Variants in PPARGC1B observed in about 807,000 individuals in gnomAD.
The protein encoded by PPARGC1B is peroxisome proliferator-activated receptor gamma coactivator 1-beta.
A neutral mutation model predicts 101.6 loss-of-function variants in PPARGC1B; 34 were observed. The observed-to-expected ratio is 0.33, with a 90% CI of 0.25 to 0.45. The LOEUF is 0.45. Among genes scored for constraint, PPARGC1B ranks in the 20% least tolerant of loss-of-function variants. The pLI, the probability that PPARGC1B is intolerant of heterozygous loss-of-function variation, is 1.00. For synonymous variants in PPARGC1B, 548 were observed against 539.3 expected (o/e 1.02, Z -0.22); for missense variants, 1,234 against 1,317.6 (o/e 0.94, Z 0.98).
chr5:149,841,624 A>G (rs1301367301), intron 9 of PPARGC1B, among the ~76,000 whole-genome samples: 2 of 152,202 alleles, frequency 1.3e-5, no homozygotes, highest in Admixed American at 1.3e-4. Flanking sequence ...GATTTGTCCA[A>G]TAGCAGTGGC....
Position 149,837,113 on chromosome 5 carries a change from A to T in PPARGC1B, c.2618+40A>T. 6.5e-7 allele frequency: 1 copy of T among 1,548,532 alleles called. No individual in the cohort carries two copies. Among genetic ancestry groups the T allele is most frequent in the Non-Finnish European group, 8.7e-7 (1 of 1,147,456 alleles). ...CTGCAGGAGAGGCAGCGGGCAGTGG[A>T]GGATCCCAGTTCCCGGGGAGCCAGG... On this transcript the variant is annotated intron_variant, in intron 8 of 11. Coordinates refer to ENST00000309241, the MANE Select transcript of PPARGC1B (RefSeq NM_133263.4). The surrounding 1 kb of genome is among the most constrained non-coding windows in gnomAD (Gnocchi z 4.2).
intron 1 of PPARGC1B, among the ~76,000 whole-genome samples, chr5:149,784,556 G>GTTTTTTTTTTTTTT (rs1561535294): frequency 1.5e-4 from 17 of 111,608 alleles, no homozygotes; most frequent in Admixed American, 3.4e-4. Context: ...AGCCAACTGA[G>GTTTTTTTTTTTTTT]TTTCTTTTTT....
intron 1 of PPARGC1B, among the ~76,000 whole-genome samples, chr5:149,814,152 C>G (rs977035503): frequency 1.3e-5 from 2 of 152,080 alleles, no homozygotes; most frequent in Admixed American, 6.5e-5. Context: ...TTTTTATTAT[C>G]CCCATTTTGT....
chr5:149,805,180 A>G (rs1287803740), intron 1 of PPARGC1B, among the ~76,000 whole-genome samples: 2 of 152,170 alleles, frequency 1.3e-5, no homozygotes, highest in African/African-American at 4.8e-5. Flanking sequence ...CACATAGATA[A>G]CATGGGGAAT....
At chr5:149,797,080 A>T (rs1032749390) in intron 1 of PPARGC1B, among the ~76,000 whole-genome samples, 1 of 152,120 alleles carries the variant, frequency 6.6e-6, no homozygotes, top group Non-Finnish European at 1.5e-5. Flanking sequence ...AGTGACCCAC[A>T]TCCCTCCTTG....
chr5:149,748,323 ATC>A (rs765961578), intron 1 of PPARGC1B, among the ~76,000 whole-genome samples: 39,739 of 146,736 alleles, frequency 0.27, 5,526 homozygotes, highest in East Asian at 0.38. Context: ...ATATAGATAT[ATC>A]TATATATATA....
Position 149,820,555 on chromosome 5 carries a change from C to T in PPARGC1B, c.201C>T (p.Asn67=). The T allele has an allele frequency of 6.2e-7, 1 of 1,613,956 alleles. No homozygotes were observed. Among genetic ancestry groups the T allele is most frequent in the Non-Finnish European group, 8.5e-7 (1 of 1,180,030 alleles). The change falls in exon 2 of 12, where the codon AAC becomes AAT. Residue 67 remains asparagine (N), a synonymous_variant. Coordinates refer to ENST00000309241, the MANE Select transcript of PPARGC1B (RefSeq NM_133263.4). ...GGGAGCTGCAGTGGTGCCCAGAGAACTCAGAGACTGAACCCAACCAGTACA... is the reference window on the plus strand; with the variant it reads ...GGGAGCTGCAGTGGTGCCCAGAGAATTCAGAGACTGAACCCAACCAGTACA... ...CFGELQWCPE[N]SETEPNQYSP...
At chr5:149,822,706 G>A (rs10463291) in intron 2 of PPARGC1B, among the ~76,000 whole-genome samples, 6,335 of 152,302 alleles carry the variant, frequency 0.042, 187 homozygotes, top group East Asian at 0.16. Context: ...TCTCTTGCAC[G>A]CATGTGTGTC....
intron 4 of PPARGC1B, 56 bp downstream of exon 4, chr5:149,830,939 T>C: frequency 8.3e-7 from 1 of 1,204,118 alleles, no homozygotes; most frequent in Non-Finnish European, 1.2e-6. Context: ...GCTGCAGCCT[T>C]CAGCTCTGGT....
chr5:149,781,464 A>T (rs1297393905), intron 1 of PPARGC1B, among the ~76,000 whole-genome samples: 1 of 152,176 alleles, frequency 6.6e-6, no homozygotes, highest in East Asian at 1.9e-4. Context: ...AGGAGAGAGA[A>T]TTCCTGTCTG....
intron 11 of PPARGC1B, 106 bp from the exon 12 acceptor site, chr5:149,847,352 G>A: frequency 1.2e-6 from 1 of 862,386 alleles, no homozygotes; most frequent in South Asian, 1.3e-5. Flanking sequence ...TTGGGCTGCA[G>A]CCACTCCACG....
rs577116933 is a variant in PPARGC1B, at chr5:149,793,228, G to C, written c.79-27205G>C. On this transcript the variant is annotated intron_variant, in intron 1 of 11. Coordinates refer to ENST00000309241, the MANE Select transcript of PPARGC1B (RefSeq NM_133263.4). ...TCCTTTTTGCCTTCCTGAGAAGTGGGTGGAGGCCATGGGGCAGCTCTTCTT... is the reference window on the plus strand; with the variant it reads ...TCCTTTTTGCCTTCCTGAGAAGTGGCTGGAGGCCATGGGGCAGCTCTTCTT... Among the ~76,000 whole-genome samples the C allele has an allele frequency of 1.2e-3, 179 of 152,232 alleles. 1 individual carries two copies. Among genetic ancestry groups the C allele is most frequent in the Middle Eastern group, 3.4e-3 (1 of 294 alleles).
chr5:149,767,820 C>G (rs1755970260), intron 1 of PPARGC1B, among the ~76,000 whole-genome samples: 1 of 149,980 alleles, frequency 6.7e-6, no homozygotes, highest in Non-Finnish European at 1.5e-5. Flanking sequence ...AGTTTTTCCA[C>G]AGATGGGGTT....
rs554123862 is a variant in PPARGC1B, at chr5:149,837,937, A to G, written c.2618+864A>G. ...TTGTTGCGCCTCCACTGGCCGGCCC[A>G]CACCCGGGTGTCTGATCTGTAGGTC... On this transcript the variant is annotated intron_variant, in intron 8 of 11. Transcript: ENST00000309241. The surrounding 1 kb of genome is among the most constrained non-coding windows in gnomAD (Gnocchi z 4.2). 8.6e-5 allele frequency among the ~76,000 whole-genome samples: 13 copies of G among 151,972 alleles called. No individual in the cohort carries two copies. In the East Asian group the frequency reaches 2.5e-3, roughly 29 times the overall value.
chr5:149,767,099 TC>T (rs1755937793), intron 1 of PPARGC1B, among the ~76,000 whole-genome samples: 1 of 152,204 alleles, frequency 6.6e-6, no homozygotes, highest in Admixed American at 6.5e-5. Context: ...GAGGAAGTCT[TC>T]CTTGCACTAG....
chr5:149,823,268 G>C (rs765023115), intron 2 of PPARGC1B, among the ~76,000 whole-genome samples: 1 of 152,212 alleles, frequency 6.6e-6, no homozygotes, highest in African/African-American at 2.4e-5. Context: ...AAATCAATCT[G>C]TTGAGGCCGC....
intron 3 of PPARGC1B, among the ~76,000 whole-genome samples, chr5:149,828,010 G>C (rs1001381586): frequency 3.9e-5 from 6 of 152,166 alleles, no homozygotes; most frequent in Non-Finnish European, 7.3e-5. Context: ...GAGAGTTTGA[G>C]CTGGAAAGGC....
At position 149,842,389 on chromosome 5, in the gene PPARGC1B, C is replaced by G. The variant is rs1233478156; in HGVS notation, c.2816+12C>G. ...ACAAGAAATAGGAGGTGAGTTGAACCAAGCCATGGCAAATGAAGGGAGCAG... is the reference window on the plus strand; with the variant it reads ...ACAAGAAATAGGAGGTGAGTTGAACGAAGCCATGGCAAATGAAGGGAGCAG... On this transcript the variant is annotated intron_variant, in intron 10 of 11. Coordinates refer to ENST00000309241, the MANE Select transcript of PPARGC1B (RefSeq NM_133263.4). The G allele has an allele frequency of 1.5e-5, 24 of 1,611,478 alleles. No individual in the cohort carries two copies. The South Asian group carries it at 2.4e-4, about 16-fold the overall frequency.
chr5:149,830,447 A>G (rs1263747262), intron 3 of PPARGC1B, among the ~76,000 whole-genome samples: 1 of 152,142 alleles, frequency 6.6e-6, no homozygotes, highest in Non-Finnish European at 1.5e-5. Flanking sequence ...AAACTGTATC[A>G]TAATATTTTA....
Sources: allele counts gnomAD v4.1 joint callset (sites outside exome capture counted in the v4.1 genomes callset), GRCh38; gene constraint gnomAD v4.1.1; non-coding constraint Gnocchi (gnomAD v3.1); transcripts MANE v1.5; gene names NCBI Gene and HGNC (gene_info 2026-07-23, HGNC 2026-07-21).